The following WWOX variants were observed in gnomAD, a reference collection of about 807,000 sequenced individuals.
WWOX encodes the protein WW domain-containing oxidoreductase.
In WWOX, 69 loss-of-function variants were observed where a neutral mutation model predicts 46.2. That is an observed-to-expected ratio of 1.49 (90% CI 1.23 to 1.82). WWOX has a LOEUF of 1.82. Ranked by LOEUF, WWOX falls within the 40% of genes most tolerant of loss-of-function variation. The pLI is 0.00. For missense variants in WWOX, 919 were observed against 542.6 expected, an observed-to-expected ratio of 1.69 and a Z score of -6.89; for synonymous variants, 359 against 202.6, an observed-to-expected ratio of 1.77 and a Z score of -6.56.
At chr16:78,207,290 G>A (rs1449772251) in intron 5 of WWOX, among the ~76,000 whole-genome samples, 1 of 152,110 alleles carries the variant, frequency 6.6e-6, no homozygotes, top group Non-Finnish European at 1.5e-5. Flanking sequence ...AGTGGGCTTT[G>A]ATGACTATTC....
At chr16:78,660,501 T>G (rs988014002) in intron 8 of WWOX, among the ~76,000 whole-genome samples, 8 of 152,142 alleles carry the variant, frequency 5.3e-5, no homozygotes, top group Non-Finnish European at 1.5e-5. Flanking sequence ...TCAAAGCTCC[T>G]TCTGTCTTTT....
At chr16:78,729,176 G>A (rs956472775) in intron 8 of WWOX, among the ~76,000 whole-genome samples, 37 of 151,182 alleles carry the variant, frequency 2.4e-4, no homozygotes, top group African/African-American at 6.8e-4. Context: ...AACCTTATCC[G>A]TAAAAAAAAT....
chr16:78,804,606 C>T (rs1391128676), intron 8 of WWOX, among the ~76,000 whole-genome samples: 1 of 152,194 alleles, frequency 6.6e-6, no homozygotes, highest in African/African-American at 2.4e-5. Context: ...ACACGTAGCT[C>T]AAAATGTTTT....
intron 8 of WWOX, chr16:79,101,704 T>C (rs1463206152): frequency 1.3e-5 from 2 of 150,960 alleles, no homozygotes; most frequent in East Asian, 3.9e-4. Context: ...CCTGGGATCA[T>C]TTCTCATCCT....
chr16:78,764,369 C>G (rs1037324331), intron 8 of WWOX, among the ~76,000 whole-genome samples: 4 of 151,010 alleles, frequency 2.6e-5, no homozygotes, highest in African/African-American at 9.7e-5. Flanking sequence ...CACAGGAGGC[C>G]GCCTCCTCCT....
chr16:78,836,902 C>A (rs751838207), intron 8 of WWOX, among the ~76,000 whole-genome samples: 1 of 151,996 alleles, frequency 6.6e-6, no homozygotes, highest in Non-Finnish European at 1.5e-5. Context: ...GAAGTTTTTT[C>A]TTTTTTCAGA....
intron 8 of WWOX, among the ~76,000 whole-genome samples, chr16:78,676,349 T>C (rs1433637853): frequency 6.6e-6 from 1 of 151,766 alleles, no homozygotes; most frequent in Admixed American, 6.6e-5. Context: ...TCCATTCAGA[T>C]CTTGTCACTT....
chr16:79,011,766 T>G (rs2047315032), intron 8 of WWOX, among the ~76,000 whole-genome samples: 1 of 152,194 alleles, frequency 6.6e-6, no homozygotes, highest in Admixed American at 6.5e-5. Context: ...GTGCTGGGAT[T>G]ACAGGCATGA....
At chr16:78,560,203 G>T (rs565305890) in intron 8 of WWOX, among the ~76,000 whole-genome samples, 12 of 152,158 alleles carry the variant, frequency 7.9e-5, no homozygotes, top group African/African-American at 2.4e-4. Context: ...TACTGAAACA[G>T]GTACCTTTTG....
At chr16:78,966,662 A>G (rs745595054) in intron 8 of WWOX, among the ~76,000 whole-genome samples, 1 of 152,170 alleles carries the variant, frequency 6.6e-6, no homozygotes, top group African/African-American at 2.4e-5. Flanking sequence ...TTAAGATTAC[A>G]TTTTCAGAAG....
At chr16:78,775,638 A>G (rs1411631130) in intron 8 of WWOX, among the ~76,000 whole-genome samples, 1 of 152,116 alleles carries the variant, frequency 6.6e-6, no homozygotes, top group African/African-American at 2.4e-5. Context: ...GAGGATGAAA[A>G]TGTCTTTCTT....
chr16:78,195,686 G>T (rs1029522823), intron 5 of WWOX, among the ~76,000 whole-genome samples: 3 of 151,878 alleles, frequency 2.0e-5, no homozygotes, highest in Admixed American at 6.6e-5. Context: ...GCCAGACATG[G>T]TGCTGGGCAT....
intron 8 of WWOX, among the ~76,000 whole-genome samples, chr16:78,546,852 C>T (rs963777499): frequency 3.2e-4 from 48 of 152,244 alleles, no homozygotes; most frequent in African/African-American, 1.2e-3. Context: ...CTGGGCCAGG[C>T]CCGGTGGCTC....
intron 8 of WWOX, among the ~76,000 whole-genome samples, chr16:78,724,082 A>C (rs1991015): frequency 0.69 from 104,245 of 151,932 alleles, 37,074 homozygotes; most frequent in African/African-American, 0.89. Flanking sequence ...CAACCTCTTT[A>C]CCTTGGCAAA....
At chr16:78,788,774 A>C (rs903670067) in intron 8 of WWOX, among the ~76,000 whole-genome samples, 1 of 152,150 alleles carries the variant, frequency 6.6e-6, no homozygotes, top group African/African-American at 2.4e-5. Flanking sequence ...TCAGCCAGAC[A>C]TTCTGAAGTC....
chr16:78,958,664 T>G lies in WWOX; in HGVS notation c.1057-252944T>G, dbSNP rs567599477. Among the ~76,000 whole-genome samples, 10 of 152,320 alleles carry G rather than the reference T, an allele frequency of 6.6e-5. No homozygotes were observed. The South Asian group carries it at 2.1e-3, about 32-fold the overall frequency. On this transcript the variant is annotated intron_variant, in intron 8 of 8. Transcript: ENST00000566780. The stretch of plus-strand genomic sequence containing the variant: ...TGGTACAACAAAGGTTTCTCTGGTT[T>G]TCTTTTGGTATTCTCAGACAACTGA...
At chr16:79,009,072 C>A (rs564872579) in intron 8 of WWOX, among the ~76,000 whole-genome samples, 7 of 152,310 alleles carry the variant, frequency 4.6e-5, no homozygotes, top group African/African-American at 1.7e-4. Flanking sequence ...TAGAGGGATC[C>A]ACGGAGCTGG....
intron 5 of WWOX, among the ~76,000 whole-genome samples, chr16:78,318,598 C>T (rs1225779608): frequency 6.6e-6 from 1 of 152,100 alleles, no homozygotes; most frequent in Non-Finnish European, 1.5e-5. Flanking sequence ...AAAATCCTTC[C>T]ATTTTCTCAG....
At chr16:79,188,250 T>G (rs986021689) in intron 8 of WWOX, among the ~76,000 whole-genome samples, 41 of 152,164 alleles carry the variant, frequency 2.7e-4, no homozygotes, top group African/African-American at 6.0e-4. Context: ...CACACACTTT[T>G]GCCCTCTGTA....
Sources: allele counts gnomAD v4.1 joint callset (sites outside exome capture counted in the v4.1 genomes callset), GRCh38; gene constraint gnomAD v4.1.1; transcripts MANE v1.5; gene names NCBI Gene and HGNC (gene_info 2026-07-23, HGNC 2026-07-21).